Variants in SETD9 observed in about 807,000 individuals in gnomAD.
The protein encoded by SETD9 is SET domain-containing protein 9.
In SETD9, 37 loss-of-function variants were observed where a neutral mutation model predicts 36.4. The observed-to-expected ratio is 1.02, with a 90% CI of 0.78 to 1.34. The LOEUF (loss-of-function observed/expected upper bound fraction) is 1.34. SETD9 is among the 40% of genes most tolerant of loss of function. SETD9 has a pLI of 0.00. For synonymous variants in SETD9, 128 were observed against 132.9 expected, an observed-to-expected ratio of 0.96 and a Z score of 0.26; for missense variants, 323 against 353.2, an observed-to-expected ratio of 0.91 and a Z score of 0.69.
chr5:56,914,519 A>G (rs548914723), intron 4 of SETD9, among the ~76,000 whole-genome samples: 1 of 152,286 alleles, frequency 6.6e-6, no homozygotes, highest in South Asian at 2.1e-4. Flanking sequence ...ATTTCCTGAT[A>G]TATAAAAAGT....
chr5:56,912,779 G>A (rs1749214178), intron 2 of SETD9, among the ~76,000 whole-genome samples: 1 of 152,008 alleles, frequency 6.6e-6, no homozygotes. Context: ...ATATGACTTT[G>A]TAAAACTGAG....
intron 5 of SETD9, among the ~76,000 whole-genome samples, chr5:56,924,832 G>T (rs1579832620): frequency 6.6e-6 from 1 of 152,198 alleles, no homozygotes; most frequent in Non-Finnish European, 1.5e-5. Context: ...CGATAAAGAA[G>T]TTTCAGTATC....
At chr5:56,910,589 C>T (rs1749069064) in intron 1 of SETD9, 2 of 329,774 alleles carry the variant, frequency 6.1e-6, no homozygotes, top group Non-Finnish European at 1.2e-5. Flanking sequence ...GAATTACAAC[C>T]TTTTTGTTCA....
chr5:56,923,040 C>T, intron 5 of SETD9: 1 of 1,104,488 alleles, frequency 9.1e-7, no homozygotes, highest in East Asian at 2.6e-5. Flanking sequence ...GAGAAAGGTT[C>T]AAACTTCCAG....
intron 5 of SETD9, chr5:56,923,097 T>A: frequency 1.3e-6 from 2 of 1,593,670 alleles, no homozygotes; most frequent in Non-Finnish European, 1.7e-6. Flanking sequence ...TTACTGGTGC[T>A]GCACACGCAG....
intron 4 of SETD9, among the ~76,000 whole-genome samples, chr5:56,914,615 AAAGT>A (rs1303811619): frequency 6.6e-6 from 1 of 152,160 alleles, no homozygotes; most frequent in African/African-American, 2.4e-5. Flanking sequence ...GTTTATGCAA[AAAGT>A]AATAAAACAT....
downstream of SETD9, chr5:56,927,746 G>A (rs1260417688): frequency 6.6e-6 from 1 of 151,980 alleles, no homozygotes; most frequent in Non-Finnish European, 1.5e-5. Flanking sequence ...TTTACATTAG[G>A]GTTTACTCTT....
Position 56,916,984 on chromosome 5 carries a change from C to T in SETD9, c.*82C>T. On this transcript the variant is annotated 3_prime_UTR_variant, in exon 6 of 6. Coordinates refer to ENST00000285947, the MANE Select transcript of SETD9 (RefSeq NM_153706.4). ...TTGTTAATCACTTCTCTGAGTTCTA[C>T]CTGTAAAACAAATATTTTGAGACTT... is the stretch of plus-strand genomic sequence containing the variant. 7.0e-7 allele frequency: 1 copy of T among 1,424,700 alleles called. No homozygotes were observed. Among genetic ancestry groups the T allele is most frequent in the Non-Finnish European group, 9.2e-7 (1 of 1,091,612 alleles). The allele number at this position is 1,424,700 out of a possible 1,614,324, so 88.3% of individuals were successfully genotyped here. A position where few individuals can be genotyped will look rare whatever the true frequency, so the allele number is the denominator to read the frequency against.
downstream of SETD9, chr5:56,920,790 A>G (rs1005981942): frequency 5.2e-5 from 8 of 152,414 alleles, no homozygotes; most frequent in African/African-American, 9.6e-5. Context: ...TAGATCTAAA[A>G]AGATATGAAG....
At chr5:56,912,979 T>G in intron 2 of SETD9, 32 bp from the exon 3 acceptor site, 5 of 1,602,834 alleles carry the variant, frequency 3.1e-6, no homozygotes, top group Non-Finnish European at 4.3e-6. Flanking sequence ...TTTCATGTTG[T>G]TATCATATTT....
intron 3 of SETD9, 116 bp from the exon 4 acceptor site, chr5:56,913,758 A>G: frequency 4.7e-6 from 3 of 640,112 alleles, no homozygotes; most frequent in Non-Finnish European, 8.0e-6. Flanking sequence ...TGATTATACT[A>G]AAGTCTTTTT....
downstream of SETD9, among the ~76,000 whole-genome samples, chr5:56,917,694 T>C (rs1400087984): frequency 1.3e-5 from 2 of 152,190 alleles, no homozygotes; most frequent in Admixed American, 6.5e-5. Context: ...TCCTGGCAGT[T>C]CTCTGCCTTG....
At chr5:56,927,250 TTAA>T (rs1157945488), downstream of SETD9, among the ~76,000 whole-genome samples, 11 of 151,992 alleles carry the variant, frequency 7.2e-5, no homozygotes, top group Middle Eastern at 3.4e-3. Context: ...TGGACTTTAA[TTAA>T]TAATAATGTA....
Position 56,916,800 on chromosome 5 carries a change from T to C in SETD9, c.813-15T>C. ...TTGTTAATGCTCTACCTTTTGTATA[T>C]CTTTTTGTTTTCAGCCCACTTCGAT... On this transcript the variant is annotated splice_polypyrimidine_tract_variant and intron_variant, in intron 5 of 5. Transcript: ENST00000285947. 1 of 1,599,028 alleles carries C rather than the reference T, an allele frequency of 6.3e-7. No individual in the cohort carries two copies. The highest frequency in any genetic ancestry group is 8.5e-7 in the Non-Finnish European group (1 of 1,175,414).
At chr5:56,928,853 T>A (rs1750129828), downstream of SETD9, 2 of 1,609,692 alleles carry the variant, frequency 1.2e-6, no homozygotes, top group Non-Finnish European at 1.7e-6. Flanking sequence ...GTCCATGCAG[T>A]CATTCCTTCT....
chr5:56,916,192 G>C (rs1283756733), intron 5 of SETD9, among the ~76,000 whole-genome samples: 1 of 152,162 alleles, frequency 6.6e-6, no homozygotes, highest in African/African-American at 2.4e-5. Context: ...AGGAGTTTGA[G>C]AACAGCCTGA....
At chr5:56,923,813 A>G (rs1749810757) in intron 5 of SETD9, 1 of 1,614,190 alleles carries the variant, frequency 6.2e-7, no homozygotes, top group Admixed American at 1.7e-5. Context: ...TGTTTCATCT[A>G]CTAAACGATC....
At chr5:56,910,052 C>T (rs1749025828) in intron 1 of SETD9, 2 of 1,300,750 alleles carry the variant, frequency 1.5e-6, no homozygotes, top group Non-Finnish European at 2.0e-6. Context: ...CGCTGCGCTG[C>T]CGGGCCCGCG....
Position 56,913,763 on chromosome 5 carries a change from C to CTT in SETD9, c.591-96_591-95dup, listed in dbSNP as rs74270761. On this transcript the variant is annotated intron_variant, in intron 3 of 5. Coordinates refer to ENST00000285947, the MANE Select transcript of SETD9 (RefSeq NM_153706.4). The stretch of plus-strand genomic sequence containing the variant: ...GTTGCCCTACTGATTATACTAAAGT[C>CTT]TTTTTTTTTTTTTTTTAAGAAAAAA... 1,332 of 528,242 alleles carry CTT rather than the reference C, an allele frequency of 2.5e-3. 1 individual carries two copies. Among genetic ancestry groups the CTT allele is most frequent in the African/African-American group, 8.2e-3 (397 of 48,308 alleles). 32.7% of individuals were successfully genotyped at this position (528,242 alleles called of 1,614,324 possible).
Sources: allele counts gnomAD v4.1 joint callset (sites outside exome capture counted in the v4.1 genomes callset), GRCh38; gene constraint gnomAD v4.1.1; transcripts MANE v1.5; gene names NCBI Gene and HGNC (gene_info 2026-07-23, HGNC 2026-07-21).